Variants in NDUFAF6 observed in about 807,000 individuals in gnomAD.
The protein encoded by NDUFAF6 is NADH:ubiquinone oxidoreductase complex assembly factor 6, also known as NADH dehydrogenase (ubiquinone) complex I, assembly factor 6.
In NDUFAF6, 45 loss-of-function variants were observed where a neutral mutation model predicts 40.8. The observed-to-expected ratio is 1.10, with a 90% CI of 0.87 to 1.42. The LOEUF (loss-of-function observed/expected upper bound fraction) is 1.42, where lower values mean the gene tolerates loss of function less well. Among genes scored for constraint, NDUFAF6 ranks in the 40% most tolerant of loss-of-function variants. NDUFAF6 has a pLI of 0.00. For synonymous variants in NDUFAF6, 185 were observed against 155.9 expected, an observed-to-expected ratio of 1.19 and a Z score of -1.39; for missense variants, 435 against 418.5, an observed-to-expected ratio of 1.04 and a Z score of -0.34.
chr8:95,036,536 C>T, intron 3 of NDUFAF6: 2 of 1,270,544 alleles, frequency 1.6e-6, no homozygotes, highest in Non-Finnish European at 2.0e-6. Context: ...CATCCCACTT[C>T]AAGAAGCTCA....
chr8:94,926,047 A>C (rs1819861423), intron 1 of NDUFAF6: 1 of 152,688 alleles, frequency 6.5e-6, no homozygotes, highest in Non-Finnish European at 1.5e-5. Flanking sequence ...ACCACAACCC[A>C]ATTACAAAGA....
downstream of NDUFAF6, chr8:95,078,660 A>ATATATATATATATATAT (rs542717810): frequency 2.0e-4 from 12 of 58,568 alleles, no homozygotes; most frequent in African/African-American, 6.0e-4. Context: ...AAAAAAAAAA[A>ATATATATATATATATAT]AAATATATAT....
intron 8 of NDUFAF6, among the ~76,000 whole-genome samples, chr8:95,055,755 T>A (rs913066959): frequency 2.6e-5 from 4 of 152,198 alleles, no homozygotes; most frequent in African/African-American, 7.2e-5. Flanking sequence ...CAAAGTTTTT[T>A]ATTCTCTTTT....
At chr8:95,016,931 CTTT>C (rs34316218) in intron 2 of NDUFAF6, among the ~76,000 whole-genome samples, 13,704 of 107,858 alleles carry the variant, frequency 0.13, 714 homozygotes, top group Middle Eastern at 0.28. Flanking sequence ...TCCTCCTCCT[CTTT>C]TTTTTTTTTT....
chr8:94,904,320 C>CTTTTTTTTTTTTTTTTTT lies in NDUFAF6; in HGVS notation c.-936+8413_-936+8430dup, dbSNP rs57749627. Among the ~76,000 whole-genome samples the CTTTTTTTTTTTTTTTTTT allele has an allele frequency of 1.2e-4, 4 of 34,138 alleles. 1 individual carries two copies. The highest frequency in any genetic ancestry group is 1.2e-3 in the South Asian group (1 of 852). The allele number at this position is 34,138 out of a possible 152,430, so 22.4% of individuals were successfully genotyped here. A position where few individuals can be genotyped will look rare whatever the true frequency, so the allele number is the denominator to read the frequency against. ...CATCACACCTGGCTAATTTTTTTTG[C>CTTTTTTTTTTTTTTTTTT]TTTTTTTTTTTTTTTTTTTTTTTTT... On this transcript the variant is annotated intron_variant, in intron 1 of 14. Transcript: ENST00000396113.
chr8:94,976,359 C>T (rs1176197057), intron 1 of NDUFAF6, among the ~76,000 whole-genome samples: 1 of 151,528 alleles, frequency 6.6e-6, no homozygotes, highest in Non-Finnish European at 1.5e-5. Context: ...CAAAAATTAG[C>T]TGGGTGTGGT....
At chr8:95,116,981 C>A (rs1456874810), downstream of NDUFAF6, among the ~76,000 whole-genome samples, 1 of 152,140 alleles carries the variant, frequency 6.6e-6, no homozygotes, top group Admixed American at 6.6e-5. Flanking sequence ...GCCAACAGTC[C>A]TGGGATCATA....
chr8:95,025,409 G>A (rs1332166304), intron 1 of NDUFAF6, among the ~76,000 whole-genome samples: 1 of 152,192 alleles, frequency 6.6e-6, no homozygotes, highest in East Asian at 1.9e-4. Flanking sequence ...ACAAAATTAT[G>A]GCAAAATTCC....
At chr8:95,015,322 A>G (rs1827397349) in intron 2 of NDUFAF6, among the ~76,000 whole-genome samples, 1 of 152,242 alleles carries the variant, frequency 6.6e-6, no homozygotes, top group South Asian at 2.1e-4. Context: ...ATCTAATTAC[A>G]AAGTTAGTCA....
chr8:94,953,325 A>G (rs1822785405), upstream of NDUFAF6, among the ~76,000 whole-genome samples: 1 of 151,938 alleles, frequency 6.6e-6, no homozygotes, highest in African/African-American at 2.4e-5. Flanking sequence ...CAGCCTGGGC[A>G]ACAAGACGGA....
At chr8:95,105,040 AACAC>A (rs71569111), downstream of NDUFAF6, among the ~76,000 whole-genome samples, 62 of 128,328 alleles carry the variant, frequency 4.8e-4, 1 homozygote, top group South Asian at 9.0e-4. Context: ...TGCTATGAGA[AACAC>A]ACACACACAC....
intron 1 of NDUFAF6, among the ~76,000 whole-genome samples, chr8:94,937,659 G>C (rs1354351469): frequency 6.6e-6 from 1 of 151,846 alleles, no homozygotes; most frequent in Non-Finnish European, 1.5e-5. Flanking sequence ...TCCTCTACTG[G>C]ATGCAATGGT....
chr8:94,991,075 G>T (rs1202385012), intron 2 of NDUFAF6, among the ~76,000 whole-genome samples: 1 of 152,190 alleles, frequency 6.6e-6, no homozygotes, highest in Non-Finnish European at 1.5e-5. Flanking sequence ...TGTGAAAAAT[G>T]ACTGGTCTAA....
chr8:94,962,791 CTT>C (rs58474094), intron 1 of NDUFAF6, among the ~76,000 whole-genome samples: 2 of 139,728 alleles, frequency 1.4e-5, no homozygotes, highest in African/African-American at 2.7e-5. Context: ...TCCTTTTTTT[CTT>C]TTTTTTTTTT....
intron 3 of NDUFAF6, among the ~76,000 whole-genome samples, chr8:95,037,421 G>A (rs961944660): frequency 2.0e-5 from 3 of 152,168 alleles, no homozygotes; most frequent in Non-Finnish European, 4.4e-5. Flanking sequence ...TGCTAGGAAT[G>A]GTGCTTGAAG....
In NDUFAF6 at chr8:95,071,119, G is replaced by A. The variant is rs138852828; in HGVS notation, c.*512-4514G>A. 1.4e-4 allele frequency among the ~76,000 whole-genome samples: 21 copies of A among 152,102 alleles called. No homozygotes were observed. In the East Asian group the frequency reaches 4.1e-3, roughly 29 times the overall value. ...AAGCATAAGGCAACCGGCCGGGCGC[G>A]GTGGCTCAAGCCTGTAATCCCAGCA... On this transcript the variant is annotated intron_variant and NMD_transcript_variant, in intron 9 of 9. Coordinates refer to the NDUFAF6 transcript ENST00000520757.
At chr8:95,117,581 C>A (rs1810162079), downstream of NDUFAF6, among the ~76,000 whole-genome samples, 1 of 152,170 alleles carries the variant, frequency 6.6e-6, no homozygotes, top group Non-Finnish European at 1.5e-5. Flanking sequence ...ACGCAATGCA[C>A]AGACTTGACA....
In NDUFAF6 at chr8:95,114,994, G is replaced by A. The variant is rs1283952731; in HGVS notation, n.345-542G>A. Among the ~76,000 whole-genome samples, 5 of 152,050 alleles carry A rather than the reference G, an allele frequency of 3.3e-5. No homozygotes were observed. The East Asian group carries it at 7.7e-4, about 24-fold the overall frequency. The stretch of plus-strand genomic sequence containing the variant: ...GGTGAATCGCTGGAACCTGGGAGGC[G>A]GAGGTTGCAGTGAGCTGAGATCACA... On this transcript the variant is annotated intron_variant and non_coding_transcript_variant, in intron 4 of 5. Coordinates refer to the NDUFAF6 transcript ENST00000523184.
chr8:94,897,509 T>A (rs1276820998), intron 1 of NDUFAF6, among the ~76,000 whole-genome samples: 1 of 152,186 alleles, frequency 6.6e-6, no homozygotes, highest in Non-Finnish European at 1.5e-5. Flanking sequence ...TCACCTAAAG[T>A]ATATTTCCCC....
Sources: gnomAD v4.1 joint callset for allele counts (sites outside exome capture counted in the v4.1 genomes callset) on GRCh38, gnomAD v4.1.1 for gene constraint, MANE v1.5 for transcripts, NCBI Gene and HGNC (gene_info 2026-07-23, HGNC 2026-07-21) for gene names.